Variants in NECAP1 observed in about 807,000 individuals in gnomAD.
NECAP1 encodes the protein adaptin ear-binding coat-associated protein 1.
Under a neutral mutation model 33.4 loss-of-function variants are expected in NECAP1, and 13 were observed. The ratio of observed to expected loss-of-function variants is 0.39; its 90% confidence interval spans 0.25 to 0.62. The LOEUF is 0.62. NECAP1 is among the 20% of genes least tolerant of loss of function. The pLI, the probability that NECAP1 is intolerant of heterozygous loss-of-function variation, is 0.52. For missense variants in NECAP1, 272 were observed against 347.4 expected (o/e 0.78, Z 1.73); for synonymous variants, 109 against 125.2 (o/e 0.87, Z 0.86).
At chr12:8,085,483 C>A (rs1947479390) in intron 1 of NECAP1, among the ~76,000 whole-genome samples, 1 of 152,154 alleles carries the variant, frequency 6.6e-6, no homozygotes. Context: ...TCCATGTCTA[C>A]TGGCATTTTT....
At chr12:8,089,826 A>T (rs1200430979) in intron 1 of NECAP1, 110 bp from the exon 2 acceptor site, 1 of 798,194 alleles carries the variant, frequency 1.3e-6, no homozygotes, top group African/African-American at 1.7e-5. Context: ...ATTAATAGGT[A>T]GAAAGAATAG....
rs58270520 is a variant in NECAP1, at chr12:8,082,774, TCACACACA to T, written c.95+427_95+434del. ...CTCATCCTTTCTCTCTCTCTCTCTC[TCACACACA>T]CACACACACACACACACACACACAC... is the stretch of plus-strand genomic sequence containing the variant. On this transcript the variant is annotated intron_variant, in intron 1 of 7. Transcript: ENST00000339754. 917 of 141,596 alleles carry T rather than the reference TCACACACA, an allele frequency of 6.5e-3. 16 individuals carry two copies. Among genetic ancestry groups the T allele is most frequent in the African/African-American group, 0.024 (836 of 34,684 alleles). The allele number at this position is 141,596 out of a possible 1,614,324, so 8.8% of individuals were successfully genotyped here. A position where few individuals can be genotyped will look rare whatever the true frequency, so the allele number is the denominator to read the frequency against.
At chr12:8,090,140 G>A in intron 2 of NECAP1, 55 bp from the exon 3 acceptor site, 3 of 1,592,036 alleles carry the variant, frequency 1.9e-6, no homozygotes, top group Non-Finnish European at 2.6e-6. Flanking sequence ...CTTGTTAATT[G>A]GGGTTCTGGA....
chr12:8,085,024 GT>G (rs540358292), intron 1 of NECAP1, among the ~76,000 whole-genome samples: 84 of 146,956 alleles, frequency 5.7e-4, no homozygotes, highest in Non-Finnish European at 5.9e-4. Context: ...TTTTCTTGAA[GT>G]TTTTTTTTTT....
chr12:8,082,401 C>T lies in NECAP1; in HGVS notation c.95+18C>T. On this transcript the variant is annotated intron_variant, in intron 1 of 7. Coordinates refer to ENST00000339754, the MANE Select transcript of NECAP1 (RefSeq NM_015509.4). ...GGTTACAGGTACTAACCCCGAGGCGCTGCCGCACACGCGTACTCTGTCGCA... is the reference window on the plus strand; with the variant it reads ...GGTTACAGGTACTAACCCCGAGGCGTTGCCGCACACGCGTACTCTGTCGCA... The T allele has an allele frequency of 1.9e-6, 3 of 1,607,228 alleles. No homozygotes were observed. The highest frequency in any genetic ancestry group is 2.6e-6 in the Non-Finnish European group (3 of 1,174,700).
Position 8,082,390 on chromosome 12 carries a change from A to G in NECAP1, c.95+7A>G. ...CCTCCAACCGCGGTTACAGGTACTA[A>G]CCCCGAGGCGCTGCCGCACACGCGT... On this transcript the variant is annotated splice_region_variant and intron_variant, in intron 1 of 7. Transcript: ENST00000339754. 1 of 1,612,186 alleles carries G rather than the reference A, an allele frequency of 6.2e-7. No homozygotes were observed. The highest frequency in any genetic ancestry group is 1.1e-5 in the South Asian group (1 of 90,976).
intron 1 of NECAP1, among the ~76,000 whole-genome samples, chr12:8,085,720 T>C (rs1947483892): frequency 2.4e-5 from 3 of 122,746 alleles, no homozygotes. Context: ...TTTTTTGTTG[T>C]TGAGACAGAG....
At chr12:8,089,796 A>G in intron 1 of NECAP1, 140 bp from the exon 2 acceptor site, 1 of 691,656 alleles carries the variant, frequency 1.4e-6, no homozygotes, top group Non-Finnish European at 2.5e-6. Context: ...ATCTAAATAG[A>G]TCATGAATTA....
At position 8,097,662 on chromosome 12, in the gene NECAP1, A is replaced by G. The variant is rs1947607149; in HGVS notation, c.*1572A>G. The G allele has an allele frequency of 1.3e-5, 2 of 152,618 alleles. No homozygotes were observed. The highest frequency in any genetic ancestry group is 4.8e-5 in the African/African-American group (2 of 41,448). The allele number at this position is 152,618 out of a possible 1,614,324, so 9.5% of individuals were successfully genotyped here. A position where few individuals can be genotyped will look rare whatever the true frequency, so the allele number is the denominator to read the frequency against. On this transcript the variant is annotated 3_prime_UTR_variant, in exon 8 of 8. Transcript: ENST00000339754. ...GTGTTCTTTGTATTCTTGAGATGATAATATATTATGTATTTGAATTCCTGA... is the reference window on the plus strand; with the variant it reads ...GTGTTCTTTGTATTCTTGAGATGATGATATATTATGTATTTGAATTCCTGA...
intron 1 of NECAP1, among the ~76,000 whole-genome samples, chr12:8,087,549 G>T (rs1250159203): frequency 6.7e-6 from 1 of 149,622 alleles, no homozygotes; most frequent in Non-Finnish European, 1.5e-5. Flanking sequence ...TTAGAGACAG[G>T]GTCTCACCCT....
At position 8,092,563 on chromosome 12, in the gene NECAP1, T is replaced by G. The variant is rs970465570; in HGVS notation, c.384-113T>G. ...CTTCTGTTTCTCACTCTTTTTTATCTCTCACTGTGTTTTCTGGAATCTCAT... is the reference window on the plus strand; with the variant it reads ...CTTCTGTTTCTCACTCTTTTTTATCGCTCACTGTGTTTTCTGGAATCTCAT... On this transcript the variant is annotated intron_variant, in intron 4 of 7. Coordinates refer to ENST00000339754, the MANE Select transcript of NECAP1 (RefSeq NM_015509.4). 7.0e-6 allele frequency: 5 copies of G among 709,616 alleles called. No homozygotes were observed. The African/African-American group carries it at 9.1e-5, about 13-fold the overall frequency. 44.0% of individuals were successfully genotyped at this position (709,616 alleles called of 1,614,324 possible).
intron 4 of NECAP1, chr12:8,092,472 G>A (rs1307970458): frequency 3.2e-5 from 17 of 523,730 alleles, no homozygotes; most frequent in Non-Finnish European, 5.1e-5. Flanking sequence ...TACGTATTCC[G>A]TGAGATTTCT....
At chr12:8,093,107 G>T in intron 6 of NECAP1, 52 bp downstream of exon 6, 1 of 1,542,090 alleles carries the variant, frequency 6.5e-7, no homozygotes, top group Non-Finnish European at 8.9e-7. Flanking sequence ...TTTTAATTAA[G>T]CAACACCTGT....
At chr12:8,095,872 A>C (rs1417401083) in intron 7 of NECAP1, 169 bp downstream of exon 7, 1 of 1,095,198 alleles carries the variant, frequency 9.1e-7, no homozygotes, top group Non-Finnish European at 1.3e-6. Flanking sequence ...GGGACAAAAA[A>C]GCTGTAGGAT....
rs1205804172 is a variant in NECAP1 at position 8,093,008 on chromosome 12, T to G, written c.629T>G (p.Val210Gly). Residue 210 changes from valine (V) to glycine (G), a missense_variant, in exon 6 of 8, where the codon GTC becomes GGC. By Grantham distance (109) the Val-to-Gly change is moderately radical. Coordinates refer to ENST00000339754, the MANE Select transcript of NECAP1 (RefSeq NM_015509.4). ...TCCTCAGTTGCCATCAGCAATCATG[T>G]CACCCCACCACCCATTCCGAAATCT... ...PSSSVAISNH[V>G]TPPPIPKSNH... The G allele has an allele frequency of 6.2e-7, 1 of 1,614,018 alleles. No homozygotes were observed. The highest frequency in any genetic ancestry group is 1.3e-5 in the African/African-American group (1 of 74,928).
chr12:8,089,721 G>T, intron 1 of NECAP1: 1 of 510,452 alleles, frequency 2.0e-6, no homozygotes, highest in African/African-American at 1.9e-5. Context: ...ATGCTTATTG[G>T]ACTCCAAAGT....
intron 1 of NECAP1, 158 bp from the exon 2 acceptor site, chr12:8,089,778 C>G (rs1466765934): frequency 3.1e-6 from 2 of 641,580 alleles, no homozygotes; most frequent in Non-Finnish European, 5.5e-6. Context: ...CTGTATGTAA[C>G]ATGAGGCATC....
rs148480563 is a variant in NECAP1 at position 8,083,577 on chromosome 12, G to A, written c.95+1194G>A. ...CCTGAATAGTTGGGATTACACGCAT[G>A]CACCACCACACCTGGCTAATTTTTG... On this transcript the variant is annotated intron_variant, in intron 1 of 7. Coordinates refer to ENST00000339754, the MANE Select transcript of NECAP1 (RefSeq NM_015509.4). Among the ~76,000 whole-genome samples, 56 of 151,736 alleles carry A rather than the reference G, an allele frequency of 3.7e-4. 1 individual carries two copies. Among genetic ancestry groups the A allele is most frequent in the Non-Finnish European group, 6.6e-4 (45 of 67,884 alleles).
chr12:8,095,833 G>A, intron 7 of NECAP1, 130 bp downstream of exon 7: 1 of 1,145,948 alleles, frequency 8.7e-7, no homozygotes, highest in Non-Finnish European at 1.3e-6. Context: ...GAGTTCTAGT[G>A]AAGGAAATAT....
Sources: allele counts gnomAD v4.1 joint callset (sites outside exome capture counted in the v4.1 genomes callset), GRCh38; gene constraint gnomAD v4.1.1; transcripts MANE v1.5; gene names NCBI Gene and HGNC (gene_info 2026-07-23, HGNC 2026-07-21).